TTC6: variants seen among roughly 807,000 people sequenced by gnomAD.
TTC6 encodes tetratricopeptide repeat protein 6.
TTC6 carries 172 observed loss-of-function variants against 210.4 expected under a neutral mutation model. The ratio of observed to expected loss-of-function variants is 0.82; its 90% confidence interval spans 0.72 to 0.93. The LOEUF is 0.93. Ranked by LOEUF, TTC6 falls within the 40% of genes least tolerant of loss-of-function variation. TTC6 has a pLI of 0.00. For missense variants in TTC6, 2,414 were observed against 2,318.1 expected (o/e 1.04, Z -0.85); for synonymous variants, 804 against 819.6 (o/e 0.98, Z 0.32).
At chr14:37,708,894 T>C (rs2095840078) in intron 5 of TTC6, among the ~76,000 whole-genome samples, 1 of 152,014 alleles carries the variant, frequency 6.6e-6, no homozygotes, top group African/African-American at 2.4e-5. Context: ...ACTGAAAGCT[T>C]TGCAGTCTCT....
intron 26 of TTC6, among the ~76,000 whole-genome samples, chr14:37,818,364 C>A (rs2096147249): frequency 6.6e-6 from 1 of 152,008 alleles, no homozygotes; most frequent in Non-Finnish European, 1.5e-5. Context: ...ATAAAATTAA[C>A]TTTTGGTAAT....
At chr14:37,763,052 T>C (rs1233453381) in intron 14 of TTC6, among the ~76,000 whole-genome samples, 2 of 77,338 alleles carry the variant, frequency 2.6e-5, no homozygotes, top group African/African-American at 9.2e-5. Flanking sequence ...ACCCGCCTAA[T>C]TTTTTTTTTG....
At position 37,658,263 on chromosome 14, in the gene TTC6, C is replaced by T. The variant is rs111853450; in HGVS notation, c.940-21888C>T. Among the ~76,000 whole-genome samples, 986 of 152,248 alleles carry T rather than the reference C, an allele frequency of 6.5e-3. 6 individuals are homozygous for T. The highest frequency in any genetic ancestry group is 0.044 in the Middle Eastern group (13 of 294). On this transcript the variant is annotated intron_variant, in intron 1 of 30. Coordinates refer to ENST00000553443, the Ensembl canonical transcript of TTC6. The stretch of plus-strand genomic sequence containing the variant: ...TCTTAGCTTATAGGCCAAACAAAAA[C>T]AGGTGGTGAGCCAGATTTGGTCTGT...
chr14:37,630,683 TAA>T (rs1356424097), intron 1 of TTC6, among the ~76,000 whole-genome samples: 1 of 152,068 alleles, frequency 6.6e-6, no homozygotes, highest in Admixed American at 6.6e-5. Context: ...AGTGGGGTGT[TAA>T]ATTCTCCCAC....
intron 1 of TTC6, among the ~76,000 whole-genome samples, chr14:37,663,912 G>A (rs12889859): frequency 0.052 from 7,869 of 151,042 alleles, 326 homozygotes; most frequent in Non-Finnish European, 0.082. Flanking sequence ...AATTGCTACA[G>A]AAAGAATAAA....
intron 2 of TTC6, among the ~76,000 whole-genome samples, chr14:37,682,490 T>G (rs781313534): frequency 6.6e-6 from 1 of 152,156 alleles, no homozygotes; most frequent in Non-Finnish European, 1.5e-5. Flanking sequence ...GTATTTGGTA[T>G]TGTATGCCAT....
At chr14:37,743,941 A>C (rs2095928448) in intron 10 of TTC6, among the ~76,000 whole-genome samples, 2 of 152,220 alleles carry the variant, frequency 1.3e-5, no homozygotes, top group South Asian at 4.1e-4. Flanking sequence ...CTGAACTCCC[A>C]GGGAAGAGGT....
At chr14:37,806,124 A>T (rs1162806375) in intron 21 of TTC6, among the ~76,000 whole-genome samples, 1 of 152,198 alleles carries the variant, frequency 6.6e-6, no homozygotes, top group African/African-American at 2.4e-5. Flanking sequence ...AAATATTGTA[A>T]TCTAACAATA....
rs1303400478 is a variant in TTC6, at chr14:37,794,627, A to G, written c.3709-643A>G. On this transcript the variant is annotated intron_variant, in intron 17 of 30. Coordinates refer to ENST00000553443, the Ensembl canonical transcript of TTC6. The stretch of plus-strand genomic sequence containing the variant: ...TTTCATCATTTTTTTATTTTGTTAT[A>G]TTCATTCATTCATTTACTTAATTTT... Among the ~76,000 whole-genome samples, 3 of 151,900 alleles carry G rather than the reference A, an allele frequency of 2.0e-5. No individual in the cohort carries two copies. In the South Asian group the frequency reaches 6.2e-4, roughly 32 times the overall value.
intron 14 of TTC6, among the ~76,000 whole-genome samples, chr14:37,784,190 C>T (rs1473615283): frequency 6.6e-6 from 1 of 152,048 alleles, no homozygotes; most frequent in African/African-American, 2.4e-5. Flanking sequence ...AACTTTCTGT[C>T]TTGTGGACCT....
intron 3 of TTC6, among the ~76,000 whole-genome samples, chr14:37,685,200 AC>A (rs2095791463): frequency 6.6e-6 from 1 of 152,188 alleles, no homozygotes; most frequent in South Asian, 2.1e-4. Context: ...TGATCACATG[AC>A]CTGATATTAT....
chr14:37,736,416 G>C (rs959963784), intron 8 of TTC6, among the ~76,000 whole-genome samples: 10 of 151,972 alleles, frequency 6.6e-5, no homozygotes, highest in African/African-American at 2.4e-4. Flanking sequence ...TGCTATCCTT[G>C]CTGAAGATAC....
chr14:37,788,191 A>G lies in TTC6; in HGVS notation c.3436+554A>G, dbSNP rs569475122. On this transcript the variant is annotated intron_variant, in intron 15 of 30. Coordinates refer to ENST00000553443, the Ensembl canonical transcript of TTC6. ...AGCTAAAAATGGCCATTTCTGTGTT[A>G]CTCTCAATCAGCACACTCCTGGTTT... Among the ~76,000 whole-genome samples the G allele has an allele frequency of 6.6e-5, 10 of 152,182 alleles. No individual in the cohort carries two copies. In the South Asian group the frequency reaches 1.9e-3, roughly 28 times the overall value.
At chr14:37,825,557 G>A (rs1476762916) in intron 27 of TTC6, among the ~76,000 whole-genome samples, 1 of 151,932 alleles carries the variant, frequency 6.6e-6, no homozygotes, top group African/African-American at 2.4e-5. Flanking sequence ...GTTGCCAGCT[G>A]GTCTTCTCTA....
At chr14:37,791,582 T>C (rs2096079442) in intron 16 of TTC6, among the ~76,000 whole-genome samples, 1 of 152,092 alleles carries the variant, frequency 6.6e-6, no homozygotes, top group East Asian at 1.9e-4. Flanking sequence ...AGTGGTTTTC[T>C]TTTGGACATT....
chr14:37,616,191 T>G (rs8014699), intron 2 of TTC6, among the ~76,000 whole-genome samples: 6,718 of 152,232 alleles, frequency 0.044, 500 homozygotes, highest in African/African-American at 0.15. Context: ...GGGGTTTAGA[T>G]AGAATTTGGG....
chr14:37,634,460 A>T (rs1404613464), intron 1 of TTC6, among the ~76,000 whole-genome samples: 2 of 152,198 alleles, frequency 1.3e-5, no homozygotes, highest in Non-Finnish European at 2.9e-5. Flanking sequence ...GAGGGAAAAA[A>T]AATGACAGAG....
chr14:37,768,327 A>T (rs1235447972), intron 14 of TTC6, among the ~76,000 whole-genome samples: 1 of 151,394 alleles, frequency 6.6e-6, no homozygotes, highest in Non-Finnish European at 1.5e-5. Flanking sequence ...GTTTTTTCCA[A>T]TTCTGTGAAG....
intron 6 of TTC6, among the ~76,000 whole-genome samples, chr14:37,718,130 T>G (rs35926928): frequency 0.057 from 8,718 of 152,286 alleles, 387 homozygotes; most frequent in Non-Finnish European, 0.089. Context: ...CAAAACAGAT[T>G]AAGACAACTC....
Sources: gnomAD v4.1 joint callset for allele counts (sites outside exome capture counted in the v4.1 genomes callset) on GRCh38, gnomAD v4.1.1 for gene constraint, MANE v1.5 for transcripts, NCBI Gene and HGNC (gene_info 2026-07-23, HGNC 2026-07-21) for gene names.